Variants in TSC2 observed in about 807,000 individuals in gnomAD.
The protein encoded by TSC2 is tuberin.
Under a neutral mutation model 202.2 loss-of-function variants are expected in TSC2, and 29 were observed. The observed-to-expected ratio is 0.14, with a 90% CI of 0.11 to 0.20. TSC2 has a LOEUF of 0.20. TSC2 is among the 10% of genes least tolerant of loss of function. TSC2 has a pLI of 1.00. For synonymous variants in TSC2, 1,349 were observed against 1,044.0 expected (o/e 1.29, Z -5.63); for missense variants, 2,429 against 2,420.0 (o/e 1.00, Z -0.08).
intron 22 of TSC2, 65 bp from the exon 23 acceptor site, chr16:2,075,734 G>A (rs1848606333): frequency 3.2e-6 from 5 of 1,549,170 alleles, no homozygotes; most frequent in East Asian, 2.3e-5. Context: ...CAGAGCAGCC[G>A]TGTTGGCCTT....
chr16:2,066,045 C>A (rs998929714), intron 16 of TSC2, among the ~76,000 whole-genome samples: 3 of 152,136 alleles, frequency 2.0e-5, no homozygotes, highest in Admixed American at 6.5e-5. Flanking sequence ...GTGAACAGTT[C>A]AGTGGTTTTC....
At chr16:2,055,169 C>A in intron 5 of TSC2, 1 of 612,036 alleles carries the variant, frequency 1.6e-6, no homozygotes, top group East Asian at 2.9e-5. Flanking sequence ...CGGCACAGAC[C>A]CTCTGTGCAG....
chr16:2,073,197 G>A (rs117996133), intron 21 of TSC2, among the ~76,000 whole-genome samples: 1 of 152,220 alleles, frequency 6.6e-6, no homozygotes, highest in Non-Finnish European at 1.5e-5. Flanking sequence ...GAGCCATCCA[G>A]TGTTCCCTGT....
rs115768173 is a variant in TSC2 at position 2,061,709 on chromosome 16, C to T, written c.1120-162C>T. On this transcript the variant is annotated intron_variant, in intron 11 of 41. Coordinates refer to ENST00000219476, the MANE Select transcript of TSC2 (RefSeq NM_000548.5). The stretch of plus-strand genomic sequence containing the variant: ...TGGGGGTGTCTCAACCCATGAGGCC[C>T]GGAGCGGCCTCAGAGGGCTGGGGGC... The T allele has an allele frequency of 1.5e-3, 1,743 of 1,198,406 alleles. 19 individuals are homozygous for T. The African/African-American group carries it at 0.023, about 16-fold the overall frequency. 74.2% of individuals were successfully genotyped at this position (1,198,406 alleles called of 1,614,324 possible).
rs755368431 is a variant in TSC2 at position 2,058,832 on chromosome 16, C to T, written c.934C>T (p.Leu312Phe). The T allele has an allele frequency of 9.3e-6, 15 of 1,606,148 alleles. No homozygotes were observed. The highest frequency in any genetic ancestry group is 1.1e-5 in the South Asian group (1 of 89,208). Reference sequence around the variant, plus strand: ...CTGGGGAGCCCACCGGCTCTATTCTCTCAGGAACTCGCCGACATCTGTGTT... The same window carrying T: ...CTGGGGAGCCCACCGGCTCTATTCTTTCAGGAACTCGCCGACATCTGTGTT... ...ALWGAHRLYS[L>F]RNSPTSVLPS... Residue 312 changes from leucine to phenylalanine, a missense_variant, in exon 10 of 42, where the codon CTC (leucine) becomes TTC (phenylalanine). Coordinates refer to ENST00000219476, the MANE Select transcript of TSC2 (RefSeq NM_000548.5).
intron 10 of TSC2, 113 bp downstream of exon 10, chr16:2,058,986 C>G (rs1000917982): frequency 1.3e-6 from 2 of 1,510,446 alleles, no homozygotes; most frequent in African/African-American, 2.7e-5. Context: ...CATTTCTAGG[C>G]CTTTCCAGGC....
intron 32 of TSC2, chr16:2,083,420 A>G (rs2090374910): frequency 1.7e-6 from 1 of 582,512 alleles, no homozygotes; most frequent in African/African-American, 1.8e-5. Flanking sequence ...ACCTGGAGGC[A>G]CAGGGGTGGC....
rs2090863579 is a variant in TSC2 at position 2,086,822 on chromosome 16, C to T, written c.4940C>T (p.Ser1647Phe). ...KKRHLGNDFV[S>F]IVYNDSGEDF... ...CGCCACCTGGGCAACGACTTTGTGT[C>T]CATTGTCTACAATGACTCCGGTGAG... Residue 1647 changes from serine (S) to phenylalanine (F), a missense_variant, in exon 38 of 42, where the codon TCC becomes TTC. Ser to Phe is a radical substitution (Grantham distance 155). Transcript: ENST00000219476. The T allele has an allele frequency of 6.2e-7, 1 of 1,609,360 alleles. No individual in the cohort carries two copies.
chr16:2,062,184 C>G (rs1422450261), intron 12 of TSC2, among the ~76,000 whole-genome samples, 176 bp downstream of exon 12: 2 of 152,236 alleles, frequency 1.3e-5, no homozygotes, highest in Non-Finnish European at 2.9e-5. Context: ...TGGTAACAAG[C>G]TCGGGGCTAG....
chr16:2,087,539 G>A (rs2090990145), intron 38 of TSC2, among the ~76,000 whole-genome samples: 1 of 152,044 alleles, frequency 6.6e-6, no homozygotes, highest in Non-Finnish European at 1.5e-5. Flanking sequence ...GCCGAGATGG[G>A]GTGCACGGCT....
chr16:2,070,825 A>T (rs1265597886), intron 17 of TSC2, among the ~76,000 whole-genome samples: 1 of 152,128 alleles, frequency 6.6e-6, no homozygotes, highest in Non-Finnish European at 1.5e-5. Flanking sequence ...AGAGAAAAGG[A>T]CGCACGGCGA....
intron 33 of TSC2, 107 bp downstream of exon 33, chr16:2,083,923 G>T: frequency 6.8e-7 from 1 of 1,472,616 alleles, no homozygotes; most frequent in Non-Finnish European, 9.0e-7. Context: ...TCTGAACTTG[G>T]GGGAGATGTT....
chr16:2,061,049 G>A, intron 11 of TSC2: 2 of 575,358 alleles, frequency 3.5e-6, no homozygotes, highest in Non-Finnish European at 6.1e-6. Context: ...GGTGAGCCGG[G>A]GCTGGGCCAG....
At chr16:2,065,701 G>A in intron 16 of TSC2, 66 bp downstream of exon 16, 1 of 1,409,248 alleles carries the variant, frequency 7.1e-7, no homozygotes, top group South Asian at 1.2e-5. Flanking sequence ...AGCTGCATCT[G>A]CGTTGTGTTG....
chr16:2,071,345 C>T, intron 17 of TSC2, 165 bp from the exon 18 acceptor site: 1 of 725,076 alleles, frequency 1.4e-6, no homozygotes. Context: ...TCCGGTGTCA[C>T]CAGGACAGAG....
chr16:2,086,379 G>A lies in TSC2; in HGVS notation c.4849G>A (p.Ala1617Thr), dbSNP rs2090791005. Residue 1617 changes from alanine (A) to threonine (T), a missense_variant and splice_region_variant, in exon 37 of 42, where the codon GCC (alanine) becomes ACC (threonine). Physicochemically the swap from Ala to Thr is moderately conservative, Grantham distance 58. Transcript: ENST00000219476. ...TYCWHDDIMQ[A>T]VFHIATLMPT... ...CTGCTGGCACGATGACATCATGCAA[G>A]GTACGGCCTGGCGCCTACCCGCTCC... 6.2e-7 allele frequency: 1 copy of A among 1,612,196 alleles called. No homozygotes were observed. The highest frequency in any genetic ancestry group is 8.5e-7 in the Non-Finnish European group (1 of 1,179,642).
chr16:2,064,019 G>A (rs1248584721), intron 14 of TSC2: 5 of 569,104 alleles, frequency 8.8e-6, no homozygotes, highest in Admixed American at 2.9e-5. Flanking sequence ...TGTGAGTTGT[G>A]GGCCCCGTGT....
At chr16:2,073,043 C>T in intron 21 of TSC2, 60 bp downstream of exon 21, 2 of 1,610,474 alleles carry the variant, frequency 1.2e-6, no homozygotes, top group South Asian at 1.1e-5. Context: ...GGGCCTGGCC[C>T]AGGTAGGCCC....
chr16:2,072,547 C>T (rs529366805), intron 20 of TSC2, 184 bp downstream of exon 20: 1 of 981,244 alleles, frequency 1.0e-6, no homozygotes, highest in South Asian at 1.7e-5. Flanking sequence ...CCCCAGCTCG[C>T]AGCTTTTGGG....
Sources: gnomAD v4.1 joint callset for allele counts (sites outside exome capture counted in the v4.1 genomes callset) on GRCh38, gnomAD v4.1.1 for gene constraint, MANE v1.5 for transcripts, NCBI Gene and HGNC (gene_info 2026-07-23, HGNC 2026-07-21) for gene names.